Variants in TRIO observed in about 807,000 individuals in gnomAD.
TRIO encodes the protein triple functional domain protein.
A neutral mutation model predicts 351.9 loss-of-function variants in TRIO; 58 were observed. The observed-to-expected ratio is 0.16, with a 90% CI of 0.13 to 0.21. TRIO has a LOEUF of 0.21. Among genes scored for constraint, TRIO ranks in the 10% least tolerant of loss-of-function variants. TRIO has a pLI of 1.00. For missense variants in TRIO, 3,201 were observed against 4,027.8 expected (o/e 0.79, Z 5.56); for synonymous variants, 1,758 against 1,595.7 (o/e 1.10, Z -2.42).
chr5:14,315,650 C>T lies in TRIO; in HGVS notation c.1501-863C>T, dbSNP rs558747100. Among the ~76,000 whole-genome samples the T allele has an allele frequency of 1.4e-3, 209 of 152,282 alleles. 1 individual carries two copies. The highest frequency in any genetic ancestry group is 4.5e-3 in the African/African-American group (189 of 41,556). The stretch of plus-strand genomic sequence containing the variant: ...CTACTTAAGACACCTGCATCCCACA[C>T]CTGGTTACCTTATGCATCTCACACA... On this transcript the variant is annotated intron_variant, in intron 8 of 56. Coordinates refer to ENST00000344204, the MANE Select transcript of TRIO (RefSeq NM_007118.4).
intron 11 of TRIO, among the ~76,000 whole-genome samples, chr5:14,351,315 G>T (rs1471784670): frequency 6.6e-6 from 1 of 152,154 alleles, no homozygotes; most frequent in East Asian, 1.9e-4. Flanking sequence ...TTTTATCCCT[G>T]GTTTTTATAC....
At chr5:14,400,154 C>A (rs1392600952) in intron 30 of TRIO, among the ~76,000 whole-genome samples, 1 of 152,156 alleles carries the variant, frequency 6.6e-6, no homozygotes, top group African/African-American at 2.4e-5. Flanking sequence ...TGCCTGACAT[C>A]ATTTTAGGTC....
chr5:14,349,718 A>G (rs1345949617), intron 11 of TRIO, among the ~76,000 whole-genome samples: 1 of 152,190 alleles, frequency 6.6e-6, no homozygotes, highest in Non-Finnish European at 1.5e-5. Flanking sequence ...TTTTAAAAAA[A>G]TGTTTATTTT....
chr5:14,494,853 C>G (rs1328527597), intron 49 of TRIO, among the ~76,000 whole-genome samples: 3 of 152,240 alleles, frequency 2.0e-5, no homozygotes, highest in Non-Finnish European at 4.4e-5. Context: ...GAGCCTAGAT[C>G]ATGCCACTGC....
At chr5:14,376,187 T>C (rs545619055) in intron 19 of TRIO, among the ~76,000 whole-genome samples, 1 of 152,338 alleles carries the variant, frequency 6.6e-6, no homozygotes, top group East Asian at 1.9e-4. Context: ...AGGAACTCAG[T>C]AAGTATTTGT....
rs1307684151 is a variant in TRIO at position 14,492,731 on chromosome 5, C to T, written c.7797C>T (p.Cys2599=). The T allele has an allele frequency of 1.2e-6, 2 of 1,614,038 alleles. No homozygotes were observed. The highest frequency in any genetic ancestry group is 2.7e-5 in the African/African-American group (2 of 74,934). The stretch of plus-strand genomic sequence containing the variant: ...TGTTCCGAGCCGCCACTGACCAGTG[C>T]CCCGCAGCTGAGGGCTGGATTCCAG... ...FLVFRAATDQ[C]PAAEGWIPGF... Residue 2599 remains cysteine, a synonymous_variant, in exon 49 of 57, where the codon TGC becomes TGT. Coordinates refer to ENST00000344204, the MANE Select transcript of TRIO (RefSeq NM_007118.4).
At chr5:14,192,982 C>T (rs148657517) in intron 1 of TRIO, among the ~76,000 whole-genome samples, 2,152 of 152,216 alleles carry the variant, frequency 0.014, 35 homozygotes, top group African/African-American at 0.049. Flanking sequence ...ATTTGGAAAA[C>T]GATATTTTAG....
At chr5:14,445,388 A>G (rs1283208075) in intron 34 of TRIO, among the ~76,000 whole-genome samples, 1 of 152,268 alleles carries the variant, frequency 6.6e-6, no homozygotes, top group Non-Finnish European at 1.5e-5. Context: ...ACTCCCAGAC[A>G]GAGCGAGCAG....
chr5:14,222,029 A>G lies in TRIO; in HGVS notation c.158-48796A>G, dbSNP rs949422100. On this transcript the variant is annotated intron_variant, in intron 1 of 56. Coordinates refer to ENST00000344204, the MANE Select transcript of TRIO (RefSeq NM_007118.4). ...AATTGCCGCAGCCACCCCAGCCTTCAAGCAGCCACCACCCTGAGCAGTCAG... is the reference window on the plus strand; with the variant it reads ...AATTGCCGCAGCCACCCCAGCCTTCGAGCAGCCACCACCCTGAGCAGTCAG... Among the ~76,000 whole-genome samples the G allele has an allele frequency of 8.5e-5, 13 of 152,252 alleles. No individual in the cohort carries two copies. In the East Asian group the frequency reaches 2.5e-3, roughly 29 times the overall value.
intron 8 of TRIO, among the ~76,000 whole-genome samples, chr5:14,315,413 C>T (rs1015953829): frequency 5.3e-5 from 8 of 151,974 alleles, no homozygotes; most frequent in African/African-American, 1.9e-4. Flanking sequence ...CCACCACGCC[C>T]AGCTAATTTT....
At chr5:14,391,860 T>G (rs760761007) in intron 27 of TRIO, among the ~76,000 whole-genome samples, 1 of 152,234 alleles carries the variant, frequency 6.6e-6, no homozygotes, top group African/African-American at 2.4e-5. Context: ...ATGACCCTGT[T>G]TTAATTGTCA....
chr5:14,183,391 A>G (rs905436887), intron 1 of TRIO, among the ~76,000 whole-genome samples: 1 of 152,212 alleles, frequency 6.6e-6, no homozygotes, highest in South Asian at 2.1e-4. Context: ...GTATGTTTAC[A>G]TAATGAAAAA....
At chr5:14,195,039 C>A (rs1425211409) in intron 1 of TRIO, among the ~76,000 whole-genome samples, 2 of 151,566 alleles carry the variant, frequency 1.3e-5, no homozygotes, top group Non-Finnish European at 2.9e-5. Flanking sequence ...CAAGGACATT[C>A]TCTTCTGGAA....
chr5:14,462,664 C>T lies in TRIO; in HGVS notation c.5497-91C>T, dbSNP rs550923027. The T allele has an allele frequency of 8.6e-5, 132 of 1,533,436 alleles. 2 individuals carry two copies. The South Asian group carries it at 1.5e-3, about 18-fold the overall frequency. The allele number at this position is 1,533,436 out of a possible 1,614,324, so 95.0% of individuals were successfully genotyped here. A position where few individuals can be genotyped will look rare whatever the true frequency, so the allele number is the denominator to read the frequency against. Reference sequence around the variant, plus strand: ...TGTTCCTGATTTCTGCCATCCCAGTCTCTGTCCCCACCTTGCTTCTCCAAG... The same window carrying T: ...TGTTCCTGATTTCTGCCATCCCAGTTTCTGTCCCCACCTTGCTTCTCCAAG... On this transcript the variant is annotated intron_variant, in intron 35 of 56. Transcript: ENST00000344204.
At chr5:14,412,294 C>G (rs1046934790) in intron 33 of TRIO, among the ~76,000 whole-genome samples, 5 of 152,142 alleles carry the variant, frequency 3.3e-5, no homozygotes, top group African/African-American at 1.2e-4. Context: ...GGCCACGGTT[C>G]CGTGTATTTT....
chr5:14,460,989 A>G (rs748147863), intron 34 of TRIO, 30 bp from the exon 35 acceptor site: 2 of 1,519,606 alleles, frequency 1.3e-6, no homozygotes, highest in Non-Finnish European at 1.8e-6. Flanking sequence ...TGTGCGAGTC[A>G]GTGATACTCC....
At chr5:14,199,172 A>C (rs987464618) in intron 1 of TRIO, among the ~76,000 whole-genome samples, 1 of 120,982 alleles carries the variant, frequency 8.3e-6, no homozygotes, top group Non-Finnish European at 1.6e-5. Flanking sequence ...GCTGCATTCC[A>C]GCCTGGGCAA....
chr5:14,368,044 A>G (rs777948108), intron 16 of TRIO, among the ~76,000 whole-genome samples: 1 of 152,022 alleles, frequency 6.6e-6, no homozygotes, highest in Non-Finnish European at 1.5e-5. Context: ...CCCTGACCAC[A>G]CCCTCCCTTG....
At chr5:14,325,610 T>C (rs1254560279) in intron 9 of TRIO, among the ~76,000 whole-genome samples, 1 of 152,116 alleles carries the variant, frequency 6.6e-6, no homozygotes, top group African/African-American at 2.4e-5. Flanking sequence ...ACACTGGATA[T>C]CATATTGCAG....
Sources: allele counts gnomAD v4.1 joint callset (sites outside exome capture counted in the v4.1 genomes callset), GRCh38; gene constraint gnomAD v4.1.1; transcripts MANE v1.5; gene names NCBI Gene and HGNC (gene_info 2026-07-23, HGNC 2026-07-21).